The following AQR variants were observed in gnomAD, a reference collection of about 807,000 sequenced individuals.
AQR encodes the protein aquarius intron-binding spliceosomal factor, also known as RNA helicase aquarius.
Under a neutral mutation model 180.5 loss-of-function variants are expected in AQR, and 61 were observed. That is an observed-to-expected ratio of 0.34 (90% CI 0.28 to 0.42). AQR has a LOEUF of 0.42. Among genes scored for constraint, AQR ranks in the 10% least tolerant of loss-of-function variants. The pLI is 1.00. For synonymous variants in AQR, 551 were observed against 588.8 expected, an observed-to-expected ratio of 0.94 and a Z score of 0.93; for missense variants, 1,281 against 1,798.3, an observed-to-expected ratio of 0.71 and a Z score of 5.20.
At chr15:34,886,906 T>C (rs1893068652) in intron 24 of AQR, among the ~76,000 whole-genome samples, 1 of 151,786 alleles carries the variant, frequency 6.6e-6, no homozygotes, top group Non-Finnish European at 1.5e-5. Flanking sequence ...GGACAGATCA[T>C]GAGGTTAGGA....
chr15:34,945,626 T>G (rs1307165661), intron 5 of AQR, among the ~76,000 whole-genome samples: 1 of 152,186 alleles, frequency 6.6e-6, no homozygotes, highest in Non-Finnish European at 1.5e-5. Flanking sequence ...CTAGGCTCTC[T>G]TGATAGTGAC....
In AQR at chr15:34,854,681, TA is replaced by T. The variant is rs1400401323; in HGVS notation, c.*2110del. The T allele has an allele frequency of 6.6e-6, 1 of 152,178 alleles. No homozygotes were observed. Among genetic ancestry groups the T allele is most frequent in the Non-Finnish European group, 1.5e-5 (1 of 68,042 alleles). The allele number at this position is 152,178 out of a possible 1,614,324, so 9.4% of individuals were successfully genotyped here. On this transcript the variant is annotated 3_prime_UTR_variant, in exon 35 of 35. Coordinates refer to ENST00000156471, the MANE Select transcript of AQR (RefSeq NM_014691.3). ...ATTCTTTTGACAAGGACAAAGGACT[TA>T]CCCATCCATCTTCCACCTAAATTTG...
chr15:34,890,785 G>C (rs1893132824), intron 23 of AQR, among the ~76,000 whole-genome samples: 1 of 152,152 alleles, frequency 6.6e-6, no homozygotes, highest in African/African-American at 2.4e-5. Context: ...TCAAATCTTA[G>C]TCTGAAAGTC....
In AQR at chr15:34,854,909, G is replaced by T. The variant is rs758163021; in HGVS notation, c.*1883C>A. The T allele has an allele frequency of 7.2e-5, 11 of 152,184 alleles. No individual in the cohort carries two copies. The highest frequency in any genetic ancestry group is 1.5e-4 in the Non-Finnish European group (10 of 68,018). The allele number at this position is 152,184 out of a possible 1,614,324, so 9.4% of individuals were successfully genotyped here. On this transcript the variant is annotated 3_prime_UTR_variant, in exon 35 of 35. Coordinates refer to ENST00000156471, the MANE Select transcript of AQR (RefSeq NM_014691.3). ...CCAGGAAAGATGGTAATACAGTAAA[G>T]CTTCTTTCCCTTGCTTGGCCTGATA...
chr15:34,925,702 G>A (rs985924456), intron 13 of AQR, among the ~76,000 whole-genome samples: 1 of 151,828 alleles, frequency 6.6e-6, no homozygotes, highest in Non-Finnish European at 1.5e-5. Flanking sequence ...GCATGGTGGC[G>A]TGTGCCTGTA....
At chr15:34,870,185 CA>C (rs35512543) in intron 31 of AQR, 93,632 of 151,790 alleles carry the variant, frequency 0.62, 31,259 homozygotes, top group South Asian at 0.75. Context: ...GCATAATTTC[CA>C]AAAAAGGTGA....
intron 5 of AQR, among the ~76,000 whole-genome samples, chr15:34,947,213 C>A (rs1189148155): frequency 5.3e-5 from 8 of 151,604 alleles, no homozygotes; most frequent in Non-Finnish European, 5.9e-5. Context: ...GACCTTACCC[C>A]CAACCCTGTG....
intron 25 of AQR, among the ~76,000 whole-genome samples, chr15:34,885,568 A>C (rs1324298012): frequency 6.6e-6 from 1 of 152,164 alleles, no homozygotes; most frequent in Non-Finnish European, 1.5e-5. Context: ...CCTCAAGTTC[A>C]TTCTTCCCAA....
At chr15:34,968,910 T>G (rs965741375) in intron 1 of AQR, among the ~76,000 whole-genome samples, 1 of 152,166 alleles carries the variant, frequency 6.6e-6, no homozygotes, top group African/African-American at 2.4e-5. Context: ...CTACTTACAC[T>G]CTTATGCAAT....
At chr15:34,857,423 A>C (rs1243486142) in intron 34 of AQR, among the ~76,000 whole-genome samples, 1 of 152,272 alleles carries the variant, frequency 6.6e-6, no homozygotes, top group Non-Finnish European at 1.5e-5. Flanking sequence ...GACTGATTAT[A>C]AAACTAACTC....
chr15:34,952,650 A>T (rs1406298869), intron 4 of AQR, among the ~76,000 whole-genome samples: 2 of 152,242 alleles, frequency 1.3e-5, no homozygotes, highest in Non-Finnish European at 2.9e-5. Context: ...GAAATTATTC[A>T]CCACATGCTA....
At chr15:34,946,381 C>CG (rs890044680) in intron 5 of AQR, among the ~76,000 whole-genome samples, 22 of 149,472 alleles carry the variant, frequency 1.5e-4, no homozygotes, top group East Asian at 1.4e-3. Flanking sequence ...CTCTTGAGGT[C>CG]GGGGGGGTCA....
chr15:34,910,006 C>A, intron 17 of AQR, 129 bp downstream of exon 17: 1 of 1,104,414 alleles, frequency 9.1e-7, no homozygotes, highest in South Asian at 1.8e-5. Flanking sequence ...TTCTTTAAAT[C>A]AAATTTCAAG....
chr15:34,871,011 GT>G, intron 30 of AQR, 89 bp from the exon 31 acceptor site: 1 of 1,335,780 alleles, frequency 7.5e-7, no homozygotes, highest in Non-Finnish European at 1.0e-6. Context: ...AGCAAAACTT[GT>G]TCACTTTGCA....
intron 20 of AQR, among the ~76,000 whole-genome samples, chr15:34,899,133 C>A (rs902177207): frequency 2.5e-4 from 38 of 152,076 alleles, no homozygotes; most frequent in Non-Finnish European, 4.7e-4. Context: ...CGGCGCGCCA[C>A]TGCACTCCAG....
At position 34,952,438 on chromosome 15, in the gene AQR, C is replaced by T. The variant is rs1280526593; in HGVS notation, c.209+447G>A. Among the ~76,000 whole-genome samples, 5 of 152,234 alleles carry T rather than the reference C, an allele frequency of 3.3e-5. No homozygotes were observed. In the East Asian group the frequency reaches 9.6e-4, roughly 29 times the overall value. On this transcript the variant is annotated intron_variant, in intron 4 of 34. Transcript: ENST00000156471. Reference sequence around the variant, plus strand: ...CTTATTTTCAGCATACTGGCTACATCTGGTTGCAACATAATCTAATCTACC... The same window carrying T: ...CTTATTTTCAGCATACTGGCTACATTTGGTTGCAACATAATCTAATCTACC...
chr15:34,920,719 G>A (rs905283145), intron 13 of AQR, among the ~76,000 whole-genome samples: 1 of 152,166 alleles, frequency 6.6e-6, no homozygotes, highest in Non-Finnish European at 1.5e-5. Context: ...AGCACTTTGG[G>A]AGGCCGAGGC....
At chr15:34,881,753 G>A (rs995647464) in intron 27 of AQR, among the ~76,000 whole-genome samples, 3 of 152,064 alleles carry the variant, frequency 2.0e-5, no homozygotes. Context: ...TGTTTAATAT[G>A]TGAATAATCT....
In AQR at chr15:34,854,101, A is replaced by G. The variant is rs768690088; in HGVS notation, c.*2691T>C. 2.0e-5 allele frequency: 3 copies of G among 151,788 alleles called. No individual in the cohort carries two copies. The highest frequency in any genetic ancestry group is 4.4e-5 in the Non-Finnish European group (3 of 67,960). 9.4% of individuals were successfully genotyped at this position (151,788 alleles called of 1,614,324 possible). A position where few individuals can be genotyped will look rare whatever the true frequency, so the allele number is the denominator to read the frequency against. On this transcript the variant is annotated 3_prime_UTR_variant, in exon 35 of 35. Coordinates refer to ENST00000156471, the MANE Select transcript of AQR (RefSeq NM_014691.3). ...TCTTCTCATTCATTTGCCTAAATCAATAGAGCTATTTATCCTCAACTGTTG... is the reference window on the plus strand; with the variant it reads ...TCTTCTCATTCATTTGCCTAAATCAGTAGAGCTATTTATCCTCAACTGTTG...
Sources: gnomAD v4.1 joint callset for allele counts (sites outside exome capture counted in the v4.1 genomes callset) on GRCh38, gnomAD v4.1.1 for gene constraint, MANE v1.5 for transcripts, NCBI Gene and HGNC (gene_info 2026-07-23, HGNC 2026-07-21) for gene names.